TUFM: variants seen among roughly 807,000 people sequenced by gnomAD.
The protein encoded by TUFM is Tu translation elongation factor, mitochondrial.
Under a neutral mutation model 45.0 loss-of-function variants are expected in TUFM, and 23 were observed. The observed-to-expected ratio is 0.51, with a 90% CI of 0.37 to 0.72. The LOEUF (loss-of-function observed/expected upper bound fraction) is 0.72. Ranked by LOEUF, TUFM falls within the 30% of genes least tolerant of loss-of-function variation. TUFM has a pLI of 0.00. For synonymous variants in TUFM, 243 were observed against 252.9 expected, an observed-to-expected ratio of 0.96 and a Z score of 0.37; for missense variants, 490 against 610.7, an observed-to-expected ratio of 0.80 and a Z score of 2.08.
chr16:28,844,485 G>A lies in TUFM; in HGVS notation c.751C>T (p.Pro251Ser). Residue 251 changes from proline to serine, a missense_variant, in exon 6 of 10, where the codon CCA becomes TCA. By Grantham distance (74) the Pro-to-Ser change is moderately conservative. Transcript: ENST00000313511. The surrounding 1 kb of genome is among the most constrained non-coding windows in gnomAD (Gnocchi z 5.8). ...KLLDAVDTYI[P>S]VPARDLEKPF... Reference sequence around the variant, plus strand: ...TTCTCCAGGTCCCGGGCGGGCACTGGGATGTAAGTGTCCACAGCATCCAGT... The same window carrying A: ...TTCTCCAGGTCCCGGGCGGGCACTGAGATGTAAGTGTCCACAGCATCCAGT... The A allele has an allele frequency of 6.2e-7, 1 of 1,614,120 alleles. No homozygotes were observed. The highest frequency in any genetic ancestry group is 8.5e-7 in the Non-Finnish European group (1 of 1,180,038).
At chr16:28,843,333 A>G (rs1159425345) in intron 9 of TUFM, among the ~76,000 whole-genome samples, 185 bp from the exon 10 acceptor site, 1 of 152,222 alleles carries the variant, frequency 6.6e-6, no homozygotes, top group African/African-American at 2.4e-5. Flanking sequence ...ACAGGAAAAC[A>G]TAAAAGAGAC....
rs748583942 is a variant in TUFM, at chr16:28,844,995, C to T, written c.475G>A (p.Gly159Ser). 8.1e-6 allele frequency: 13 copies of T among 1,614,124 alleles called. No homozygotes were observed. The highest frequency in any genetic ancestry group is 6.8e-6 in the Non-Finnish European group (8 of 1,180,022). ...GCILVVAANDGPMPQTREHLL... is the reference protein window; with the variant it reads ...GCILVVAANDSPMPQTREHLL... Reference sequence around the variant, plus strand: ...TGCTCTCGGGTCTGGGGCATGGGGCCGTCATTGGCTGCTACCACCAGGATG... The same window carrying T: ...TGCTCTCGGGTCTGGGGCATGGGGCTGTCATTGGCTGCTACCACCAGGATG... Residue 159 changes from glycine to serine, a missense_variant, in exon 4 of 10, where the codon GGC becomes AGC. Gly to Ser is a moderately conservative substitution (Grantham distance 56). Transcript: ENST00000313511. This position sits in a 1 kb window ranked among gnomAD's most constrained non-coding sequence, Gnocchi z 5.8.
At chr16:28,845,883 G>C (rs755612103) in intron 2 of TUFM, 29 bp downstream of exon 2, 3 of 1,611,824 alleles carry the variant, frequency 1.9e-6, no homozygotes, top group Non-Finnish European at 2.5e-6. Flanking sequence ...AGTAGATAGG[G>C]CGCTGCTGGA....
At chr16:28,845,686 CA>C (rs1961929896) in intron 2 of TUFM, among the ~76,000 whole-genome samples, 1 of 152,190 alleles carries the variant, frequency 6.6e-6, no homozygotes, top group African/African-American at 2.4e-5. Context: ...CCTCTGCTTG[CA>C]GAGCATTCCC....
rs770526342 is a variant in TUFM, at chr16:28,843,052, T to G, written c.1291A>C (p.Asn431His). 1 of 1,614,228 alleles carries G rather than the reference T, an allele frequency of 6.2e-7. No homozygotes were observed. Among genetic ancestry groups the G allele is most frequent in the South Asian group, 1.1e-5 (1 of 91,086 alleles). ...KGQRFTLRDG[N>H]RTIGTGLVTN... ...ACTAGACCGGTGCCAATAGTCCGGT[T>G]GCCATCTCGCAGGGTGAAACGCTGG... The change falls in exon 10 of 10, where the codon AAC becomes CAC. Residue 431 changes from asparagine to histidine, a missense_variant. Transcript: ENST00000313511.
chr16:28,843,001 C>T lies in TUFM; in HGVS notation c.1342G>A (p.Glu448Lys), dbSNP rs192989183. 1.2e-6 allele frequency: 2 copies of T among 1,614,222 alleles called. No homozygotes were observed. Among genetic ancestry groups the T allele is most frequent in the East Asian group, 4.5e-5 (2 of 44,888 alleles). The change falls in exon 10 of 10, where the codon GAG (glutamate) becomes AAG (lysine). Residue 448 changes from glutamate to lysine, a missense_variant. Coordinates refer to ENST00000313511, the MANE Select transcript of TUFM (RefSeq NM_003321.5). ...LVTNTLAMTE[E>K]EKNIKWG ...CAACCCCATTTGATATTCTTCTCCTCCTCAGTCATGGCCAGCGTGTTGGTG... is the reference window on the plus strand; with the variant it reads ...CAACCCCATTTGATATTCTTCTCCTTCTCAGTCATGGCCAGCGTGTTGGTG...
intron 8 of TUFM, 46 bp from the exon 9 acceptor site, chr16:28,843,901 C>A: frequency 6.2e-7 from 1 of 1,614,102 alleles, no homozygotes; most frequent in Non-Finnish European, 8.5e-7. Context: ...TGGCTGGAGG[C>A]TGGGGAGAGC....
Position 28,842,717 on chromosome 16 carries a change from T to C in TUFM, c.*258A>G, listed in dbSNP as rs1961833071. ...TGGGATCTCACAAGCTCCCCATCTG[T>C]CTGGGGTTCAACACCCTTTTTGTCC... On this transcript the variant is annotated 3_prime_UTR_variant, in exon 10 of 10. Transcript: ENST00000313511. 1 of 531,392 alleles carries C rather than the reference T, an allele frequency of 1.9e-6. No individual in the cohort carries two copies. Among genetic ancestry groups the C allele is most frequent in the Non-Finnish European group, 3.4e-6 (1 of 292,674 alleles). 32.9% of individuals were successfully genotyped at this position (531,392 alleles called of 1,614,324 possible). A position where few individuals can be genotyped will look rare whatever the true frequency, so the allele number is the denominator to read the frequency against.
At position 28,843,157 on chromosome 16, in the gene TUFM, G is replaced by A. The variant is rs1213434347; in HGVS notation, c.1195-9C>T. 13 of 1,614,038 alleles carry A rather than the reference G, an allele frequency of 8.1e-6. No homozygotes were observed. The highest frequency in any genetic ancestry group is 1.1e-5 in the Non-Finnish European group (13 of 1,180,014). ...CCGGGCATGGCAAGCTCCTAGAGTAGGAAGAGAAGGATCATGCGTGGCCTC... is the reference window on the plus strand; with the variant it reads ...CCGGGCATGGCAAGCTCCTAGAGTAAGAAGAGAAGGATCATGCGTGGCCTC... On this transcript the variant is annotated splice_polypyrimidine_tract_variant and intron_variant, in intron 9 of 9. Coordinates refer to ENST00000313511, the MANE Select transcript of TUFM (RefSeq NM_003321.5).
In TUFM at chr16:28,842,862, A is replaced by G. The variant is rs1961836233; in HGVS notation, c.*113T>C. 1 of 1,386,380 alleles carries G rather than the reference A, an allele frequency of 7.2e-7. No homozygotes were observed. The highest frequency in any genetic ancestry group is 1.0e-6 in the Non-Finnish European group (1 of 978,900). 85.9% of individuals were successfully genotyped at this position (1,386,380 alleles called of 1,614,324 possible). On this transcript the variant is annotated 3_prime_UTR_variant, in exon 10 of 10. Coordinates refer to ENST00000313511, the MANE Select transcript of TUFM (RefSeq NM_003321.5). ...TTCCGAGCAGGGGAAATGTCCATCTAGCTGCCCTCTGCTGGGTTGCAGCCT... is the reference window on the plus strand; with the variant it reads ...TTCCGAGCAGGGGAAATGTCCATCTGGCTGCCCTCTGCTGGGTTGCAGCCT...
rs1028926288 is a variant in TUFM at position 28,843,855 on chromosome 16, C to A, written c.1075G>T (p.Val359Phe). The A allele has an allele frequency of 5.0e-6, 8 of 1,613,990 alleles. No homozygotes were observed. The highest frequency in any genetic ancestry group is 6.8e-6 in the Non-Finnish European group (8 of 1,180,040). Residue 359 changes from valine to phenylalanine, a missense_variant and splice_region_variant, in exon 9 of 10, where the codon GTT becomes TTT. Coordinates refer to ENST00000313511, the MANE Select transcript of TUFM (RefSeq NM_003321.5). ...CCTTCCTCCTTGCTGAGGATGTAAACCTGGAGGAGAGCAAGCAATGACGGT... is the reference window on the plus strand; with the variant it reads ...CCTTCCTCCTTGCTGAGGATGTAAAACTGGAGGAGAGCAAGCAATGACGGT... The part of the protein sequence containing the change: ...IKPHQKVEAQ[V>F]YILSKEEGGR...
rs1488248152 is a variant in TUFM, at chr16:28,846,276, G to A, written c.-7C>T. ...CGGCCGCCATTGTGGTCATACTCGC[G>A]CCCCGGTAACCGGGGAGCCGGGACC... is the stretch of plus-strand genomic sequence containing the variant. On this transcript the variant is annotated 5_prime_UTR_variant, in exon 1 of 10. Transcript: ENST00000313511. 1 of 1,554,772 alleles carries A rather than the reference G, an allele frequency of 6.4e-7. No homozygotes were observed. The highest frequency in any genetic ancestry group is 1.4e-5 in the African/African-American group (1 of 73,342).
intron 2 of TUFM, 121 bp downstream of exon 2, chr16:28,845,791 A>G: frequency 1.6e-6 from 2 of 1,270,420 alleles, no homozygotes; most frequent in South Asian, 2.5e-5. Flanking sequence ...CACCTGTCGC[A>G]CAAATTCGGG....
In TUFM at chr16:28,846,291, G is replaced by A. The variant is rs548579608; in HGVS notation, c.-22C>T. The A allele has an allele frequency of 2.0e-4, 303 of 1,550,322 alleles. No homozygotes were observed. Among genetic ancestry groups the A allele is most frequent in the Non-Finnish European group, 2.6e-4 (293 of 1,145,796 alleles). ...TCATACTCGCGCCCCGGTAACCGGG[G>A]AGCCGGGACCAGGAGCCCGAGCGCA... is the stretch of plus-strand genomic sequence containing the variant. On this transcript the variant is annotated 5_prime_UTR_variant, in exon 1 of 10. Transcript: ENST00000313511.
In TUFM at chr16:28,844,805, C is replaced by A; in HGVS notation, c.577G>T (p.Glu193Ter). 6.2e-7 allele frequency: 1 copy of A among 1,614,198 alleles called. No homozygotes were observed. Among genetic ancestry groups the A allele is most frequent in the Non-Finnish European group, 8.5e-7 (1 of 1,180,036 alleles). Reference protein sequence around the residue: ...VNKADAVQDSEMVELVELEIR... With the variant: ...VNKADAVQDS ...TCCAGTTCCACCAGTTCCACCATCT[C>A]AGAGTCCTGGACAGCGTCAGCCTTG... Residue 193 changes from glutamate (E) to a stop codon, truncating the protein, a stop_gained, in exon 5 of 10, where the codon GAG becomes TAG. Coordinates refer to ENST00000313511, the MANE Select transcript of TUFM (RefSeq NM_003321.5). LOFTEE classifies it high-confidence loss of function. This position sits in a 1 kb window ranked among gnomAD's most constrained non-coding sequence, Gnocchi z 5.8.
chr16:28,845,838 C>G (rs1240102938), intron 2 of TUFM, 74 bp downstream of exon 2: 99 of 1,582,646 alleles, frequency 6.3e-5, no homozygotes, highest in Admixed American at 1.5e-4. Context: ...AGCAGACACT[C>G]TGCTGGCCTT....
At chr16:28,843,423 A>C (rs1961850822) in intron 9 of TUFM, among the ~76,000 whole-genome samples, 1 of 152,222 alleles carries the variant, frequency 6.6e-6, no homozygotes, top group African/African-American at 2.4e-5. Flanking sequence ...TCTTGGTCAC[A>C]GAACTTCTTA....
chr16:28,844,003 G>C lies in TUFM; in HGVS notation c.1021C>G (p.Leu341Val), dbSNP rs1961865858. The C allele has an allele frequency of 1.2e-6, 2 of 1,614,060 alleles. No individual in the cohort carries two copies. The highest frequency in any genetic ancestry group is 3.3e-5 in the Admixed American group (2 of 59,996). Reference protein sequence around the residue: ...GLKREDLRRGLVMVKPGSIKP... With the variant: ...GLKREDLRRGVVMVKPGSIKP... ...ATGGAACCTGGCTTGACCATGACCA[G>C]GCCCCGCCGCAAGTCCTCCCGCTTC... Residue 341 changes from leucine to valine, a missense_variant, in exon 8 of 10, where the codon CTG becomes GTG. Transcript: ENST00000313511. The surrounding 1 kb of genome is among the most constrained non-coding windows in gnomAD (Gnocchi z 5.8).
In TUFM at chr16:28,844,249, G is replaced by A. The variant is rs971374543; in HGVS notation, c.903C>T (p.Asn301=). 6.2e-7 allele frequency: 1 copy of A among 1,614,188 alleles called. No individual in the cohort carries two copies. Among genetic ancestry groups the A allele is most frequent in the South Asian group, 1.1e-5 (1 of 91,076 alleles). The change falls in exon 7 of 10, where the codon AAC becomes AAT. Residue 301 remains asparagine, a synonymous_variant. Transcript: ENST00000313511. The surrounding 1 kb of genome is among the most constrained non-coding windows in gnomAD (Gnocchi z 5.8). ...CCAAACCTGTCACCACAGTGCGGAT[G>A]TTCTTGCTATGTCCTAGGAGCTCAC... ...DECELLGHSK[N]IRTVVTGIEM...
Sources: allele counts gnomAD v4.1 joint callset (sites outside exome capture counted in the v4.1 genomes callset), GRCh38; gene constraint gnomAD v4.1.1; non-coding constraint Gnocchi (gnomAD v3.1); transcripts MANE v1.5; gene names NCBI Gene and HGNC (gene_info 2026-07-23, HGNC 2026-07-21).